The following DPP6 variants were observed in gnomAD, a reference collection of about 807,000 sequenced individuals.
DPP6 encodes A-type potassium channel modulatory protein DPP6.
DPP6 carries 69 observed loss-of-function variants against 122.6 expected under a neutral mutation model. The observed-to-expected ratio is 0.56, with a 90% CI of 0.46 to 0.69. The LOEUF is 0.69. Ranked by LOEUF, DPP6 falls within the 30% of genes least tolerant of loss-of-function variation. The pLI, the probability that DPP6 is intolerant of heterozygous loss-of-function variation, is 0.00. For synonymous variants in DPP6, 418 were observed against 433.1 expected (o/e 0.97, Z 0.43); for missense variants, 928 against 1,116.9 (o/e 0.83, Z 2.41).
rs553725735 is a variant in DPP6 at position 154,860,030 on chromosome 7, A to AAGTT, written c.1714+6206_1714+6209dup. Among the ~76,000 whole-genome samples the AAGTT allele has an allele frequency of 2.4e-3, 368 of 152,282 alleles. 1 individual carries two copies. Among genetic ancestry groups the AAGTT allele is most frequent in the African/African-American group, 8.3e-3 (345 of 41,560 alleles). ...GGTTCCCACTCCTTTATGGCATCAA[A>AAGTT]AGTTAGGTTTCTCTACCTCCTACTC... On this transcript the variant is annotated intron_variant, in intron 17 of 25. Coordinates refer to ENST00000377770, the MANE Select transcript of DPP6 (RefSeq NM_130797.4).
the DPP6 span, among the ~76,000 whole-genome samples, chr7:153,816,577 A>AG: frequency 6.6e-6 from 1 of 152,350 alleles, no homozygotes; most frequent in South Asian, 2.1e-4. Context: ...AAATGATTGA[A>AG]ATAAGAGTAA....
chr7:154,093,986 A>G (rs1805125218), intron 1 of DPP6: 1 of 152,196 alleles, frequency 6.6e-6, no homozygotes, highest in Non-Finnish European at 1.5e-5. Flanking sequence ...GCATAAAAGA[A>G]TGAGGTTTTC....
chr7:154,178,746 A>G (rs1797932711), intron 1 of DPP6, among the ~76,000 whole-genome samples: 1 of 152,214 alleles, frequency 6.6e-6, no homozygotes, highest in African/African-American at 2.4e-5. Context: ...TCATTCTGCA[A>G]CAGCCTTTTG....
intron 16 of DPP6, among the ~76,000 whole-genome samples, chr7:154,841,776 G>A (rs1444812857): frequency 2.0e-5 from 3 of 151,670 alleles, no homozygotes; most frequent in South Asian, 4.2e-4. Context: ...CTCGAGCCGC[G>A]CTCCTCGGAC....
chr7:153,759,971 ATCTCTCTCTCTC>A, the DPP6 span, among the ~76,000 whole-genome samples: 4 of 136,970 alleles, frequency 2.9e-5, no homozygotes, highest in Admixed American at 7.3e-5. Context: ...CTGTTTCTGT[ATCTCTCTCTCTC>A]TCTCTCTCTC....
chr7:154,223,417 A>G (rs907888812), intron 1 of DPP6, among the ~76,000 whole-genome samples: 1 of 149,362 alleles, frequency 6.7e-6, no homozygotes, highest in Non-Finnish European at 1.5e-5. Flanking sequence ...AGAGAGAGAG[A>G]TAAGAATCAA....
chr7:154,004,034 A>G (rs991134379), intron 1 of DPP6, among the ~76,000 whole-genome samples: 5 of 152,120 alleles, frequency 3.3e-5, no homozygotes, highest in African/African-American at 1.2e-4. Context: ...GATTACTCTT[A>G]AGCTCTTATT....
intron 17 of DPP6, among the ~76,000 whole-genome samples, chr7:154,867,724 A>G (rs182271810): frequency 6.6e-6 from 1 of 152,322 alleles, no homozygotes; most frequent in East Asian, 1.9e-4. Flanking sequence ...CGCCACGGAG[A>G]ACAAAAACCT....
Position 154,830,035 on chromosome 7 carries a change from C to T in DPP6, c.1666+22923C>T, listed in dbSNP as rs116957136. Among the ~76,000 whole-genome samples the T allele has an allele frequency of 8.9e-3, 1,349 of 152,286 alleles. 10 individuals carry two copies. Among genetic ancestry groups the T allele is most frequent in the Middle Eastern group, 0.017 (5 of 294 alleles). On this transcript the variant is annotated intron_variant, in intron 16 of 25. Transcript: ENST00000377770. ...ATAGCTCCTTCCCAGACTTTCAGGCCGTCAAAATCCTCACCTTCCTTTAAA... is the reference window on the plus strand; with the variant it reads ...ATAGCTCCTTCCCAGACTTTCAGGCTGTCAAAATCCTCACCTTCCTTTAAA...
intron 1 of DPP6, among the ~76,000 whole-genome samples, chr7:154,322,277 T>C (rs942449237): frequency 1.3e-5 from 2 of 152,132 alleles, no homozygotes; most frequent in African/African-American, 4.8e-5. Flanking sequence ...CCCATCACAT[T>C]AGGATGCAAT....
intron 1 of DPP6, among the ~76,000 whole-genome samples, chr7:153,984,464 C>G (rs1325645928): frequency 6.6e-6 from 1 of 152,116 alleles, no homozygotes; most frequent in African/African-American, 2.4e-5. Context: ...TTTTTTTCTT[C>G]CCTTGCAAAT....
chr7:154,575,298 GGGGGGTGTATGTGTGTGGTGTGTGT>G (rs1831506737), intron 5 of DPP6, among the ~76,000 whole-genome samples: 1 of 128,426 alleles, frequency 7.8e-6, no homozygotes, highest in Non-Finnish European at 1.6e-5. Flanking sequence ...GTATGTGTGT[GGGGGGTGTATGTGTGTGGTGTGTGT>G]ATGTGTGTGT....
intron 8 of DPP6, among the ~76,000 whole-genome samples, chr7:154,765,949 C>A (rs1002522270): frequency 6.6e-6 from 1 of 152,178 alleles, no homozygotes; most frequent in African/African-American, 2.4e-5. Context: ...CCTCATTAAG[C>A]TGGAATCCTG....
chr7:154,400,457 T>C (rs1233868764), intron 1 of DPP6, among the ~76,000 whole-genome samples: 1 of 152,196 alleles, frequency 6.6e-6, no homozygotes, highest in African/African-American at 2.4e-5. Context: ...GAAATTATGA[T>C]CATGAATGAG....
intron 1 of DPP6, among the ~76,000 whole-genome samples, chr7:154,075,204 T>C (rs1480248378): frequency 6.6e-6 from 1 of 151,732 alleles, no homozygotes; most frequent in South Asian, 2.1e-4. Context: ...ACACTGCTTG[T>C]AGGAATGTAA....
At chr7:154,016,113 T>C (rs1297600101) in intron 1 of DPP6, among the ~76,000 whole-genome samples, 1 of 152,154 alleles carries the variant, frequency 6.6e-6, no homozygotes, top group African/African-American at 2.4e-5. Context: ...TTCCCGCCAT[T>C]CAAGTCAGCC....
chr7:154,642,043 C>A (rs550754005), intron 6 of DPP6, among the ~76,000 whole-genome samples: 40 of 152,320 alleles, frequency 2.6e-4, no homozygotes, highest in Non-Finnish European at 5.4e-4. Context: ...TCACTTCCTT[C>A]TACCTGGAAC....
At chr7:154,577,025 T>G (rs966503104) in intron 5 of DPP6, among the ~76,000 whole-genome samples, 28 of 152,116 alleles carry the variant, frequency 1.8e-4, no homozygotes, top group Non-Finnish European at 2.9e-4. Context: ...AGAAGGTAAG[T>G]GCAGCTAGGT....
intron 1 of DPP6, among the ~76,000 whole-genome samples, chr7:154,183,653 T>C (rs1029324989): frequency 6.6e-6 from 1 of 152,218 alleles, no homozygotes; most frequent in Non-Finnish European, 1.5e-5. Flanking sequence ...TGCTGGGCAC[T>C]GATCAGGTTC....
Sources: allele counts gnomAD v4.1 joint callset (sites outside exome capture counted in the v4.1 genomes callset), GRCh38; gene constraint gnomAD v4.1.1; transcripts MANE v1.5; gene names NCBI Gene and HGNC (gene_info 2026-07-23, HGNC 2026-07-21).